SLC25A12: variants seen among roughly 807,000 people sequenced by gnomAD.
SLC25A12 encodes the protein electrogenic aspartate/glutamate antiporter SLC25A12, mitochondrial.
In SLC25A12, 32 loss-of-function variants were observed where a neutral mutation model predicts 83.3. The observed-to-expected ratio is 0.38, with a 90% CI of 0.29 to 0.52. The LOEUF (loss-of-function observed/expected upper bound fraction) is 0.52. Ranked by LOEUF, SLC25A12 falls within the 20% of genes least tolerant of loss-of-function variation. The pLI is 0.84. For synonymous variants in SLC25A12, 267 were observed against 291.1 expected (o/e 0.92, Z 0.84); for missense variants, 611 against 835.6 (o/e 0.73, Z 3.31).
chr2:171,842,915 G>GGA (rs1222507284), intron 5 of SLC25A12, among the ~76,000 whole-genome samples: 5 of 152,128 alleles, frequency 3.3e-5, no homozygotes, highest in Non-Finnish European at 7.3e-5. Flanking sequence ...TCCACCTCCT[G>GGA]GGTTCAAGTG....
intron 4 of SLC25A12, among the ~76,000 whole-genome samples, chr2:171,844,888 A>G (rs1242791100): frequency 6.6e-6 from 1 of 152,168 alleles, no homozygotes; most frequent in African/African-American, 2.4e-5. Flanking sequence ...AGAAGCATGA[A>G]TACCTAAATT....
At chr2:171,849,345 TAAA>T (rs71013080) in intron 4 of SLC25A12, among the ~76,000 whole-genome samples, 1 of 138,596 alleles carries the variant, frequency 7.2e-6, no homozygotes, top group Admixed American at 7.3e-5. Context: ...CCTTGAGTAC[TAAA>T]AAAAAAAGCA....
chr2:171,833,950 T>C lies in SLC25A12; in HGVS notation c.845+13A>G, dbSNP rs987976620. 4 of 1,408,798 alleles carry C rather than the reference T, an allele frequency of 2.8e-6. No homozygotes were observed. Among genetic ancestry groups the C allele is most frequent in the East Asian group, 2.3e-5 (1 of 43,884 alleles). The allele number at this position is 1,408,798 out of a possible 1,614,324, so 87.3% of individuals were successfully genotyped here. On this transcript the variant is annotated intron_variant, in intron 8 of 17. Coordinates refer to ENST00000422440, the MANE Select transcript of SLC25A12 (RefSeq NM_003705.5). The stretch of plus-strand genomic sequence containing the variant: ...CTATAATAAATATCATGAAGAATTA[T>C]TGAAATACTTACCCTGAAGCATTAT...
At chr2:171,795,281 T>C (rs1287203026) in intron 13 of SLC25A12, among the ~76,000 whole-genome samples, 6 of 152,174 alleles carry the variant, frequency 3.9e-5, no homozygotes, top group Non-Finnish European at 1.5e-5. Context: ...CCCCCAACGA[T>C]GTACTGACCC....
rs554988651 is a variant in SLC25A12, at chr2:171,875,465, G to C, written c.67-6642C>G. ...TGTTACAGGTACACATGGACATAAA[G>C]ACAGGAACAATAGATACTGGGGACT... On this transcript the variant is annotated intron_variant, in intron 2 of 17. Coordinates refer to ENST00000422440, the MANE Select transcript of SLC25A12 (RefSeq NM_003705.5). Among the ~76,000 whole-genome samples, 4 of 152,168 alleles carry C rather than the reference G, an allele frequency of 2.6e-5. No individual in the cohort carries two copies. The South Asian group carries it at 8.3e-4, about 32-fold the overall frequency.
At chr2:171,835,246 C>A (rs1398020689) in intron 6 of SLC25A12, among the ~76,000 whole-genome samples, 2 of 152,198 alleles carry the variant, frequency 1.3e-5, no homozygotes, top group Non-Finnish European at 2.9e-5. Flanking sequence ...ATCTATGGAA[C>A]ACTTTTTAAC....
Position 171,834,149 on chromosome 2 carries a change from A to G in SLC25A12, c.752-93T>C, listed in dbSNP as rs541041819. 5.3e-6 allele frequency: 4 copies of G among 752,798 alleles called. 1 individual carries two copies. Among genetic ancestry groups the G allele is most frequent in the South Asian group, 4.6e-5 (3 of 65,770 alleles). The allele number at this position is 752,798 out of a possible 1,614,324, so 46.6% of individuals were successfully genotyped here. On this transcript the variant is annotated intron_variant, in intron 7 of 17. Transcript: ENST00000422440. ...CCAACTATAATATAACCTGAAAGCT[A>G]TAGGCATTTTAGTATCATTTTTAAA...
intron 9 of SLC25A12, among the ~76,000 whole-genome samples, chr2:171,817,153 C>G (rs1462267085): frequency 6.6e-6 from 1 of 152,118 alleles, no homozygotes; most frequent in African/African-American, 2.4e-5. Flanking sequence ...TTTCTAGCCT[C>G]TAGAACTATG....
intron 13 of SLC25A12, 91 bp from the exon 14 acceptor site, chr2:171,793,858 T>C (rs1574675936): frequency 6.9e-7 from 1 of 1,449,956 alleles, no homozygotes; most frequent in East Asian, 2.3e-5. Context: ...CTCCACATCT[T>C]GCTATCTTGA....
intron 2 of SLC25A12, among the ~76,000 whole-genome samples, chr2:171,871,384 G>C (rs1213580170): frequency 6.6e-6 from 1 of 152,218 alleles, no homozygotes; most frequent in Non-Finnish European, 1.5e-5. Flanking sequence ...GAACAACATG[G>C]TGAAATGCCA....
At chr2:171,793,799 C>T in intron 13 of SLC25A12, 32 bp from the exon 14 acceptor site, 1 of 1,613,866 alleles carries the variant, frequency 6.2e-7, no homozygotes, top group South Asian at 1.1e-5. Context: ...CAGGCAGATT[C>T]CACATCAGAG....
intron 2 of SLC25A12, chr2:171,871,855 G>A (rs548085816): frequency 4.6e-6 from 2 of 439,374 alleles, no homozygotes; most frequent in African/African-American, 4.4e-5. Context: ...GGAGGCGGAG[G>A]TTGCAATGAG....
chr2:171,836,956 ACATG>A, intron 6 of SLC25A12, among the ~76,000 whole-genome samples, 161 bp downstream of exon 6: 1 of 142,750 alleles, frequency 7.0e-6, no homozygotes, highest in Non-Finnish European at 1.6e-5. Flanking sequence ...ACACACACAC[ACATG>A]CACACACACA....
rs149756187 is a variant in SLC25A12, at chr2:171,802,531, C to T, written c.1305+7075G>A. 2.4e-4 allele frequency among the ~76,000 whole-genome samples: 36 copies of T among 152,302 alleles called. No homozygotes were observed. The East Asian group carries it at 6.8e-3, about 29-fold the overall frequency. On this transcript the variant is annotated intron_variant, in intron 13 of 17. Transcript: ENST00000422440. ...GTGGCTCACACCTGTAATCCCAGCA[C>T]TTTGGGAGGCTGAAGTGGGTGGATC... is the stretch of plus-strand genomic sequence containing the variant.
At chr2:171,847,302 A>C (rs1684818809) in intron 4 of SLC25A12, among the ~76,000 whole-genome samples, 1 of 152,208 alleles carries the variant, frequency 6.6e-6, no homozygotes, top group South Asian at 2.1e-4. Context: ...TAATTAGTAG[A>C]ACTATTGTTT....
At chr2:171,791,715 C>T (rs1683465606) in intron 14 of SLC25A12, 126 bp from the exon 15 acceptor site, 1 of 867,130 alleles carries the variant, frequency 1.2e-6, no homozygotes, top group Non-Finnish European at 2.0e-6. Context: ...TGAGGTGTCC[C>T]TTAAACAGCA....
At chr2:171,833,933 AAT>A (rs1271780000) in intron 8 of SLC25A12, 28 bp downstream of exon 8, 2 of 1,288,742 alleles carry the variant, frequency 1.6e-6, no homozygotes, top group East Asian at 4.6e-5. Context: ...CTCTATAATA[AAT>A]ATCATGAAGA....
chr2:171,809,946 G>A (rs1683916076), intron 12 of SLC25A12, among the ~76,000 whole-genome samples: 1 of 152,108 alleles, frequency 6.6e-6, no homozygotes, highest in South Asian at 2.1e-4. Flanking sequence ...GCTCACTACA[G>A]CCTCAAATTC....
At chr2:171,851,623 C>T (rs759060894) in intron 4 of SLC25A12, among the ~76,000 whole-genome samples, 12 of 152,092 alleles carry the variant, frequency 7.9e-5, no homozygotes, top group Non-Finnish European at 1.5e-4. Flanking sequence ...CAACCTCCAC[C>T]TCCCAGGCTC....
Sources: allele counts gnomAD v4.1 joint callset (sites outside exome capture counted in the v4.1 genomes callset), GRCh38; gene constraint gnomAD v4.1.1; transcripts MANE v1.5; gene names NCBI Gene and HGNC (gene_info 2026-07-23, HGNC 2026-07-21).